PTPRK: variants seen among roughly 807,000 people sequenced by gnomAD.
PTPRK encodes protein tyrosine phosphatase receptor type K.
PTPRK carries 75 observed loss-of-function variants against 178.0 expected under a neutral mutation model. The observed-to-expected ratio is 0.42, with a 90% CI of 0.35 to 0.51. PTPRK has a LOEUF of 0.51. PTPRK is among the 20% of genes least tolerant of loss of function. PTPRK has a pLI of 0.02. For missense variants in PTPRK, 1,441 were observed against 1,797.8 expected, an observed-to-expected ratio of 0.80 and a Z score of 3.59; for synonymous variants, 637 against 620.6, an observed-to-expected ratio of 1.03 and a Z score of -0.39.
intron 2 of PTPRK, among the ~76,000 whole-genome samples, chr6:128,353,964 A>G (rs1326641021): frequency 6.6e-6 from 1 of 152,140 alleles, no homozygotes; most frequent in Admixed American, 6.5e-5. Context: ...GTAAAATAAT[A>G]CATTTGAGGG....
At chr6:128,407,157 ATTAG>A (rs1333228686) in intron 1 of PTPRK, among the ~76,000 whole-genome samples, 2 of 152,174 alleles carry the variant, frequency 1.3e-5, no homozygotes, top group African/African-American at 4.8e-5. Context: ...TTAAGTCATC[ATTAG>A]TTAGTATTTT....
chr6:128,054,813 A>G (rs1779627440), intron 13 of PTPRK, among the ~76,000 whole-genome samples: 1 of 152,232 alleles, frequency 6.6e-6, no homozygotes, highest in South Asian at 2.1e-4. Flanking sequence ...GAGAACACTT[A>G]GCACAGAGAA....
At chr6:128,239,978 G>A in intron 5 of PTPRK, 57 bp downstream of exon 5, 1 of 1,324,754 alleles carries the variant, frequency 7.5e-7, no homozygotes. Context: ...CAGTCCTGTT[G>A]CAATGTTTTT....
chr6:128,297,820 A>G (rs1562234756), intron 3 of PTPRK, among the ~76,000 whole-genome samples: 1 of 152,222 alleles, frequency 6.6e-6, no homozygotes, highest in Non-Finnish European at 1.5e-5. Context: ...AAAGAACTAG[A>G]GAAGCAAGAG....
In PTPRK at chr6:128,398,609, G is replaced by A. The variant is rs540308425; in HGVS notation, c.101-921C>T. The stretch of plus-strand genomic sequence containing the variant: ...TTTTACTAACATCTTTGCTTTAAAA[G>A]AACTCTTTGAAATCTCATAATAGCC... On this transcript the variant is annotated intron_variant, in intron 1 of 29. Coordinates refer to ENST00000368226, the MANE Select transcript of PTPRK (RefSeq NM_002844.4). Among the ~76,000 whole-genome samples, 4 of 152,286 alleles carry A rather than the reference G, an allele frequency of 2.6e-5. No homozygotes were observed. In the South Asian group the frequency reaches 6.2e-4, roughly 24 times the overall value.
At chr6:128,470,565 A>G (rs1013271736) in intron 1 of PTPRK, among the ~76,000 whole-genome samples, 2 of 152,018 alleles carry the variant, frequency 1.3e-5, no homozygotes, top group African/African-American at 2.4e-5. Flanking sequence ...AAGTAAGAGA[A>G]CTTGGTGTTG....
intron 27 of PTPRK, among the ~76,000 whole-genome samples, chr6:127,975,184 T>C (rs2114610003): frequency 6.6e-6 from 1 of 152,300 alleles, no homozygotes; most frequent in South Asian, 2.1e-4. Flanking sequence ...GACAAAAATA[T>C]AACATTTCAG....
At chr6:128,493,773 G>A (rs1228058808) in intron 1 of PTPRK, among the ~76,000 whole-genome samples, 1 of 152,010 alleles carries the variant, frequency 6.6e-6, no homozygotes, top group East Asian at 1.9e-4. Flanking sequence ...TGTCATCAAG[G>A]CACTTTTCCT....
In PTPRK at chr6:128,452,610, C is replaced by T. The variant is rs116235538; in HGVS notation, c.101-54922G>A. Among the ~76,000 whole-genome samples the T allele has an allele frequency of 4.4e-3, 674 of 152,176 alleles. 5 individuals are homozygous for T. Among genetic ancestry groups the T allele is most frequent in the African/African-American group, 0.015 (639 of 41,498 alleles). On this transcript the variant is annotated intron_variant, in intron 1 of 29. Transcript: ENST00000368226. ...GTGCTCATTTCCAAATAATGAGAAA[C>T]ACCTATTGAAAAATCACAGCAAAAT...
chr6:128,457,678 GAATT>G (rs1174245293), intron 1 of PTPRK, among the ~76,000 whole-genome samples: 2 of 152,072 alleles, frequency 1.3e-5, no homozygotes, highest in African/African-American at 2.4e-5. Flanking sequence ...AGACTAAGCT[GAATT>G]AATAGTCATT....
At chr6:128,270,883 A>G (rs1246332115) in intron 3 of PTPRK, among the ~76,000 whole-genome samples, 1 of 152,126 alleles carries the variant, frequency 6.6e-6, no homozygotes, top group Non-Finnish European at 1.5e-5. Flanking sequence ...TTAAGAGACC[A>G]ATGCTTTGTT....
chr6:128,103,517 G>T (rs1490324494), intron 7 of PTPRK, among the ~76,000 whole-genome samples: 1 of 152,110 alleles, frequency 6.6e-6, no homozygotes, highest in Admixed American at 6.6e-5. Context: ...GCTCACCCTG[G>T]TTCCTGCACC....
At chr6:128,409,368 A>G (rs1472222428) in intron 1 of PTPRK, 2 of 452,754 alleles carry the variant, frequency 4.4e-6, no homozygotes. Context: ...TAGATTAGGT[A>G]TAATAGAGGT....
intron 1 of PTPRK, among the ~76,000 whole-genome samples, chr6:128,414,895 A>G: frequency 6.6e-6 from 1 of 152,096 alleles, no homozygotes; most frequent in East Asian, 1.9e-4. Context: ...TAAACATTCA[A>G]TTTCATTTAA....
At chr6:128,447,644 A>G (rs1197505348) in intron 1 of PTPRK, among the ~76,000 whole-genome samples, 1 of 135,434 alleles carries the variant, frequency 7.4e-6, no homozygotes, top group East Asian at 2.1e-4. Flanking sequence ...TTTTTTTTTT[A>G]GATGGAGTCT....
At chr6:128,070,056 T>A (rs1782550753) in intron 11 of PTPRK, among the ~76,000 whole-genome samples, 1 of 152,154 alleles carries the variant, frequency 6.6e-6, no homozygotes, top group Admixed American at 6.6e-5. Context: ...GCTTGTTTCA[T>A]AAAGAATTAA....
At chr6:128,073,676 T>C (rs1354873061) in intron 11 of PTPRK, among the ~76,000 whole-genome samples, 2 of 152,008 alleles carry the variant, frequency 1.3e-5, no homozygotes, top group East Asian at 3.9e-4. Flanking sequence ...ACTGGGATTC[T>C]AGAGGCCAGA....
At chr6:128,142,250 G>C (rs1795875528) in intron 7 of PTPRK, among the ~76,000 whole-genome samples, 1 of 151,864 alleles carries the variant, frequency 6.6e-6, no homozygotes, top group Non-Finnish European at 1.5e-5. Context: ...GTCTCAACAA[G>C]CAACACAAAT....
intron 7 of PTPRK, among the ~76,000 whole-genome samples, chr6:128,180,807 T>C (rs1801796605): frequency 6.6e-6 from 1 of 152,102 alleles, no homozygotes; most frequent in Non-Finnish European, 1.5e-5. Context: ...CTCTATTTTT[T>C]AAAATGTACA....
Sources: allele counts gnomAD v4.1 joint callset (sites outside exome capture counted in the v4.1 genomes callset), GRCh38; gene constraint gnomAD v4.1.1; transcripts MANE v1.5; gene names NCBI Gene and HGNC (gene_info 2026-07-23, HGNC 2026-07-21).